Variants in LRRC7 observed in about 807,000 individuals in gnomAD.
The protein encoded by LRRC7 is leucine-rich repeat-containing protein 7.
In LRRC7, 23 loss-of-function variants were observed where a neutral mutation model predicts 175.7. That is an observed-to-expected ratio of 0.13 (90% CI 0.09 to 0.19). LRRC7 has a LOEUF of 0.19. Among genes scored for constraint, LRRC7 ranks in the 10% least tolerant of loss-of-function variants. LRRC7 has a pLI of 1.00. For missense variants in LRRC7, 1,354 were observed against 1,904.7 expected (o/e 0.71, Z 5.38); for synonymous variants, 685 against 680.9 (o/e 1.01, Z -0.09).
intron 22 of LRRC7, among the ~76,000 whole-genome samples, chr1:70,047,277 T>A (rs1660401610): frequency 6.6e-6 from 1 of 152,166 alleles, no homozygotes; most frequent in African/African-American, 2.4e-5. Flanking sequence ...CTGTGGCAAG[T>A]GACTCTGGGG....
intron 3 of LRRC7, among the ~76,000 whole-genome samples, chr1:69,762,617 G>C (rs958018912): frequency 2.0e-5 from 3 of 151,902 alleles, no homozygotes; most frequent in Non-Finnish European, 4.4e-5. Context: ...GAGGACTCAG[G>C]TTATGAAAGT....
chr1:69,570,382 T>C (rs72671187), intron 1 of LRRC7, among the ~76,000 whole-genome samples: 2,787 of 152,208 alleles, frequency 0.018, 44 homozygotes, highest in Non-Finnish European at 0.028. Context: ...CAGGTAGACA[T>C]GCGTGAACGG....
At chr1:69,680,022 A>G (rs549180087) in intron 2 of LRRC7, among the ~76,000 whole-genome samples, 4 of 152,158 alleles carry the variant, frequency 2.6e-5, no homozygotes, top group Non-Finnish European at 4.4e-5. Flanking sequence ...ATATGCCCAC[A>G]AAACCTAAAA....
chr1:69,865,441 C>T (rs1204200966), intron 7 of LRRC7, among the ~76,000 whole-genome samples: 3 of 136,560 alleles, frequency 2.2e-5, no homozygotes, highest in Non-Finnish European at 3.1e-5. Flanking sequence ...TGAGAGCATC[C>T]GAATAAGCAA....
rs1468813012 is a variant in LRRC7, at chr1:70,129,372, C to A, written c.*7485C>A. On this transcript the variant is annotated 3_prime_UTR_variant, in exon 27 of 27. Coordinates refer to ENST00000651989, the MANE Select transcript of LRRC7 (RefSeq NM_001370785.2). The stretch of plus-strand genomic sequence containing the variant: ...CTTGCTAGACAAGATAAATAGCAAC[C>A]AGAATCTCTTGAATCTCTGGAAGAG... Among the ~76,000 whole-genome samples, 1 of 152,102 alleles carries A rather than the reference C, an allele frequency of 6.6e-6. No individual in the cohort carries two copies. Among genetic ancestry groups the A allele is most frequent in the Admixed American group, 6.5e-5 (1 of 15,280 alleles).
chr1:69,726,205 C>T (rs1164698838), intron 2 of LRRC7, among the ~76,000 whole-genome samples: 1 of 152,104 alleles, frequency 6.6e-6, no homozygotes, highest in African/African-American at 2.4e-5. Flanking sequence ...GACAGTTACC[C>T]TGGTTACTAA....
intron 1 of LRRC7, among the ~76,000 whole-genome samples, chr1:69,578,679 A>C (rs982848181): frequency 1.3e-5 from 2 of 151,580 alleles, no homozygotes; most frequent in African/African-American, 4.9e-5. Context: ...ATTCTCAGTA[A>C]ACTATCACAA....
At chr1:69,958,198 T>C (rs12035762) in intron 8 of LRRC7, among the ~76,000 whole-genome samples, 10,789 of 152,070 alleles carry the variant, frequency 0.071, 403 homozygotes, top group South Asian at 0.11. Context: ...ATGTAAGTTT[T>C]GCATTTAGAC....
intron 2 of LRRC7, among the ~76,000 whole-genome samples, chr1:69,718,160 G>GAAAGAAAGAAAGAAAGAAAGAA (rs1451018236): frequency 1.3e-5 from 2 of 148,942 alleles, no homozygotes; most frequent in Non-Finnish European, 1.5e-5. Flanking sequence ...AAGAAAGAAA[G>GAAAGAAAGAAAGAAAGAAAGAA]AAAGAAAGAA....
In LRRC7 at chr1:70,144,093, T is replaced by C. The variant is rs1667203813; in HGVS notation, c.*22206T>C. 6.6e-6 allele frequency: 1 copy of C among 150,850 alleles called. No homozygotes were observed. Among genetic ancestry groups the C allele is most frequent in the Admixed American group, 6.6e-5 (1 of 15,186 alleles). The allele number at this position is 150,850 out of a possible 1,614,324, so 9.3% of individuals were successfully genotyped here. ...TTACTGAACCAGTGAAATTAATTAC[T>C]GTCAGTTAATTTGCAAATGCAAGCT... On this transcript the variant is annotated 3_prime_UTR_variant, in exon 27 of 27. Transcript: ENST00000651989.
intron 7 of LRRC7, among the ~76,000 whole-genome samples, chr1:69,862,124 CA>C: frequency 6.6e-6 from 1 of 152,198 alleles, no homozygotes; most frequent in African/African-American, 2.4e-5. Context: ...AAATTAACCA[CA>C]AAAGTATCCT....
chr1:70,031,450 A>T (rs1256328029), intron 18 of LRRC7, among the ~76,000 whole-genome samples: 3 of 152,210 alleles, frequency 2.0e-5, no homozygotes. Flanking sequence ...ACAGCGTCTC[A>T]GTGATGTTAT....
Position 69,763,250 on chromosome 1 carries a change from C to T in LRRC7, c.303+2857C>T, listed in dbSNP as rs559348687. Among the ~76,000 whole-genome samples, 178 of 152,032 alleles carry T rather than the reference C, an allele frequency of 1.2e-3. 2 individuals are homozygous for T. The highest frequency in any genetic ancestry group is 6.8e-3 in the Middle Eastern group (2 of 294). On this transcript the variant is annotated intron_variant, in intron 3 of 26. Coordinates refer to ENST00000651989, the MANE Select transcript of LRRC7 (RefSeq NM_001370785.2). ...ATCAGAATTGATGGGTTTCTATTCA[C>T]CTTGGCAGGAACAAATTTATTCCGA... is the stretch of plus-strand genomic sequence containing the variant.
chr1:70,115,894 A>G (rs1159095463), intron 26 of LRRC7, among the ~76,000 whole-genome samples: 2 of 152,236 alleles, frequency 1.3e-5, no homozygotes, highest in South Asian at 4.1e-4. Flanking sequence ...CTCTTCATCA[A>G]AATGGAGACC....
chr1:69,875,004 A>G (rs1190783779), intron 7 of LRRC7: 1 of 152,080 alleles, frequency 6.6e-6, no homozygotes, highest in Non-Finnish European at 1.5e-5. Flanking sequence ...TAAATTCCTG[A>G]CATTGCTGTA....
intron 2 of LRRC7, among the ~76,000 whole-genome samples, chr1:69,688,631 GTT>G (rs78791999): frequency 1.1e-4 from 14 of 124,532 alleles, no homozygotes; most frequent in African/African-American, 2.0e-4. Flanking sequence ...TCTTTTTATG[GTT>G]TTTTTTTTTT....
At chr1:70,106,463 G>A (rs1665150754) in intron 25 of LRRC7, among the ~76,000 whole-genome samples, 1 of 152,064 alleles carries the variant, frequency 6.6e-6, no homozygotes, top group Non-Finnish European at 1.5e-5. Context: ...GTTGTAGCAT[G>A]TTTCCATACT....
chr1:69,782,323 T>C (rs111462708), intron 3 of LRRC7, among the ~76,000 whole-genome samples: 2,305 of 152,310 alleles, frequency 0.015, 60 homozygotes, highest in African/African-American at 0.049. Flanking sequence ...GAAACTACAC[T>C]ACAATCTTGT....
At chr1:70,030,932 C>T (rs977213486) in intron 18 of LRRC7, among the ~76,000 whole-genome samples, 1 of 152,132 alleles carries the variant, frequency 6.6e-6, no homozygotes, top group Non-Finnish European at 1.5e-5. Flanking sequence ...GGAGATTTTC[C>T]TTTATAATGC....
Sources: allele counts gnomAD v4.1 joint callset (sites outside exome capture counted in the v4.1 genomes callset), GRCh38; gene constraint gnomAD v4.1.1; transcripts MANE v1.5; gene names NCBI Gene and HGNC (gene_info 2026-07-23, HGNC 2026-07-21).